The following FCN3 variants were observed in gnomAD, a reference collection of about 807,000 sequenced individuals.
FCN3 encodes ficolin-3.
Under a neutral mutation model 31.5 loss-of-function variants are expected in FCN3, and 28 were observed. The ratio of observed to expected loss-of-function variants is 0.89; its 90% CI spans 0.66 to 1.22. FCN3 has a LOEUF of 1.22. Among genes scored for constraint, FCN3 ranks in the 50% most tolerant of loss-of-function variants. FCN3 has a pLI of 0.00. For missense variants in FCN3, 351 were observed against 386.8 expected (o/e 0.91, Z 0.78); for synonymous variants, 124 against 147.4 (o/e 0.84, Z 1.15).
At chr1:27,374,663 G>T in intron 1 of FCN3, 65 bp downstream of exon 1, 2 of 1,008,828 alleles carry the variant, frequency 2.0e-6, no homozygotes, top group Non-Finnish European at 2.8e-6. Flanking sequence ...GATGAGCCTT[G>T]GTGGGGGGAC....
rs374013809 is a variant in FCN3, at chr1:27,369,425, G to A, written c.711C>T (p.Asp237=). Residue 237 remains aspartate (D), a synonymous_variant, in exon 8 of 8, where the codon GAC becomes GAT. Coordinates refer to ENST00000270879, the MANE Select transcript of FCN3 (RefSeq NM_003665.4). ...SGRPFTTYDA[D]HDSSNSNCAV... ...CACAGTTGCTGTTGCTTGAATCGTG[G>A]TCAGCGTCATAGGTGGTAAAGGGCC... 109 of 1,614,090 alleles carry A rather than the reference G, an allele frequency of 6.8e-5. No individual in the cohort carries two copies. The highest frequency in any genetic ancestry group is 4.9e-4 in the Middle Eastern group (3 of 6,084).
Position 27,369,467 on chromosome 1 carries a change from C to G in FCN3, c.669G>C (p.Leu223=). 1 of 1,613,902 alleles carries G rather than the reference C, an allele frequency of 6.2e-7. No individual in the cohort carries two copies. Among genetic ancestry groups the G allele is most frequent in the East Asian group, 2.2e-5 (1 of 44,876 alleles). The change falls in exon 8 of 8, where the codon CTG becomes CTC. Residue 223 remains leucine (L), a synonymous_variant. Coordinates refer to ENST00000270879, the MANE Select transcript of FCN3 (RefSeq NM_003665.4). The stretch of plus-strand genomic sequence containing the variant: ...TAAAGGGCCTCCCACTGTGGAGGCT[C>G]AGGGAATCCCCTAGCAGGGAAGGGA... ...KFSEGTAGDS[L]SLHSGRPFTT...
At chr1:27,372,250 T>C (rs1017410302) in intron 5 of FCN3, among the ~76,000 whole-genome samples, 9 of 150,128 alleles carry the variant, frequency 6.0e-5, no homozygotes, top group Admixed American at 2.0e-4. Context: ...CACTCTTCTT[T>C]TTTTTTTTTT....
intron 5 of FCN3, among the ~76,000 whole-genome samples, chr1:27,371,576 A>AAAAC (rs1416225220): frequency 3.3e-5 from 5 of 152,012 alleles, no homozygotes; most frequent in African/African-American, 4.8e-5. Flanking sequence ...ACTCCGTCTC[A>AAAAC]AAACAAACAA....
rs1321427798 is a variant in FCN3, at chr1:27,374,023, G to T, written c.188-14C>A. 4 of 1,612,656 alleles carry T rather than the reference G, an allele frequency of 2.5e-6. No homozygotes were observed. Among genetic ancestry groups the T allele is most frequent in the Non-Finnish European group, 3.4e-6 (4 of 1,179,354 alleles). On this transcript the variant is annotated splice_polypyrimidine_tract_variant and intron_variant, in intron 2 of 7. Coordinates refer to ENST00000270879, the MANE Select transcript of FCN3 (RefSeq NM_003665.4). The stretch of plus-strand genomic sequence containing the variant: ...GTCCAGGTGGCCCTGAAATCACAAA[G>T]GCAGAGATTTCCTGAGTCCCACCCC...
In FCN3 at chr1:27,374,386, G is replaced by A. The variant is rs376437282; in HGVS notation, c.157C>T (p.Pro53Ser). ...GGACCTGGGGCTCCCTTCTCCCCAGGACTTCCTGGAGCTCCGGGACAACTG... is the reference window on the plus strand; with the variant it reads ...GGACCTGGGGCTCCCTTCTCCCCAGAACTTCCTGGAGCTCCGGGACAACTG... Reference protein sequence around the residue: ...LPSCPGAPGSPGEKGAPGPQG... With the variant: ...LPSCPGAPGSSGEKGAPGPQG... The change falls in exon 2 of 8, where the codon CCT becomes TCT. Residue 53 changes from proline to serine, a missense_variant. Coordinates refer to ENST00000270879, the MANE Select transcript of FCN3 (RefSeq NM_003665.4). 1.5e-5 allele frequency: 24 copies of A among 1,613,666 alleles called. No homozygotes were observed. Among genetic ancestry groups the A allele is most frequent in the South Asian group, 2.2e-5 (2 of 91,070 alleles).
chr1:27,374,807 C>T lies in FCN3; in HGVS notation c.12G>A (p.Leu4=). ...GAAGCCACAGGGAGGGCAGGATCCA[C>T]AGTAGATCCATCTTGCTGGGCCCAC... The part of the protein sequence containing the change: MDL[L]WILPSLWLLL... Residue 4 remains leucine (L), a synonymous_variant, in exon 1 of 8, where the codon CTG becomes CTA. Coordinates refer to ENST00000270879, the MANE Select transcript of FCN3 (RefSeq NM_003665.4). 1.5e-6 allele frequency: 2 copies of T among 1,360,522 alleles called. No homozygotes were observed. Among genetic ancestry groups the T allele is most frequent in the Non-Finnish European group, 1.9e-6 (2 of 1,049,894 alleles). The allele number at this position is 1,360,522 out of a possible 1,614,324, so 84.3% of individuals were successfully genotyped here.
intron 6 of FCN3, 31 bp from the exon 7 acceptor site, chr1:27,370,761 A>C (rs1244866380): frequency 6.2e-7 from 1 of 1,613,132 alleles, no homozygotes; most frequent in Non-Finnish European, 8.5e-7. Flanking sequence ...GGATGGAGGA[A>C]TCCTCAGTTC....
chr1:27,373,920 A>G (rs1297017554), intron 3 of FCN3, 45 bp downstream of exon 3: 11 of 1,558,144 alleles, frequency 7.1e-6, no homozygotes, highest in Non-Finnish European at 9.7e-6. Context: ...GAGTCCAGGG[A>G]CAGAGGCAAA....
intron 5 of FCN3, among the ~76,000 whole-genome samples, chr1:27,372,901 C>G (rs2016176240): frequency 6.6e-6 from 1 of 151,846 alleles, no homozygotes. Context: ...CCTCAGCCTC[C>G]CAAGTAGCTG....
At chr1:27,374,055 A>G (rs759733826) in intron 2 of FCN3, 46 bp from the exon 3 acceptor site, 8 of 1,550,732 alleles carry the variant, frequency 5.2e-6, no homozygotes, top group Non-Finnish European at 7.0e-6. Flanking sequence ...CCCCATGCCC[A>G]GGACCAAAAA....
Position 27,369,281 on chromosome 1 carries a change from A to G in FCN3, c.855T>C (p.Arg285=), listed in dbSNP as rs781103320. 1.2e-6 allele frequency: 2 copies of G among 1,614,112 alleles called. No homozygotes were observed. The highest frequency in any genetic ancestry group is 1.7e-6 in the Non-Finnish European group (2 of 1,180,048). Reference sequence around the variant, plus strand: ...CCCTGCGGTAGGGGTGGCCCACACCACGGCCTGAGGCCCAGTCAATGCCAT... The same window carrying G: ...CCCTGCGGTAGGGGTGGCCCACACCGCGGCCTGAGGCCCAGTCAATGCCAT... ...HKYGIDWASG[R]GVGHPYRRVR... The change falls in exon 8 of 8, where the codon CGT becomes CGC. Residue 285 remains arginine, a synonymous_variant. Coordinates refer to ENST00000270879, the MANE Select transcript of FCN3 (RefSeq NM_003665.4).
At chr1:27,373,012 T>C in intron 5 of FCN3, 124 bp downstream of exon 5, 2 of 1,249,030 alleles carry the variant, frequency 1.6e-6, no homozygotes, top group South Asian at 1.4e-5. Flanking sequence ...GGGGGCTCAC[T>C]AAACATTTGT....
At chr1:27,371,431 C>A (rs370467588) in intron 5 of FCN3, among the ~76,000 whole-genome samples, 1 of 152,110 alleles carries the variant, frequency 6.6e-6, no homozygotes, top group East Asian at 1.9e-4. Context: ...CAAATATTAG[C>A]CGGGTGTGGT....
chr1:27,370,741 G>A lies in FCN3; in HGVS notation c.524-11C>T, dbSNP rs1413506945. 6.2e-7 allele frequency: 1 copy of A among 1,613,948 alleles called. No homozygotes were observed. The highest frequency in any genetic ancestry group is 1.1e-5 in the South Asian group (1 of 91,060). On this transcript the variant is annotated splice_polypyrimidine_tract_variant and intron_variant, in intron 6 of 7. Coordinates refer to ENST00000270879, the MANE Select transcript of FCN3 (RefSeq NM_003665.4). The stretch of plus-strand genomic sequence containing the variant: ...GCAGCTCCCAGTTACCTGGAAAGAA[G>A]GGGAGGCAGGGATGGAGGAATCCTC...
At position 27,374,466 on chromosome 1, in the gene FCN3, AG is replaced by A; in HGVS notation, c.92-16del. 5 of 1,575,278 alleles carry A rather than the reference AG, an allele frequency of 3.2e-6. No individual in the cohort carries two copies. The highest frequency in any genetic ancestry group is 4.4e-6 in the Non-Finnish European group (5 of 1,144,960). On this transcript the variant is annotated splice_polypyrimidine_tract_variant and intron_variant, in intron 1 of 7. Transcript: ENST00000270879. ...TTCCCTGGGTCCTACAGGGAGACACAGGCAGGGTGGGCACAGGGTAGACTGT... is the reference window on the plus strand; with the variant it reads ...TTCCCTGGGTCCTACAGGGAGACACAGCAGGGTGGGCACAGGGTAGACTGT...
rs906575868 is a variant in FCN3, at chr1:27,370,974, TG to T, written c.394-3del. 1 of 1,493,784 alleles carries T rather than the reference TG, an allele frequency of 6.7e-7. No individual in the cohort carries two copies. The highest frequency in any genetic ancestry group is 1.1e-5 in the South Asian group (1 of 89,536). 92.5% of individuals were successfully genotyped at this position (1,493,784 alleles called of 1,614,324 possible). On this transcript the variant is annotated splice_region_variant and splice_polypyrimidine_tract_variant and intron_variant, in intron 5 of 7. Transcript: ENST00000270879. ...ACCATCCTGGCGCCTCTGAAACACC[TG>T]GGGGAGGGGGGGCACAGCAGCTATT... is the stretch of plus-strand genomic sequence containing the variant.
At chr1:27,372,387 A>G (rs987380628) in intron 5 of FCN3, among the ~76,000 whole-genome samples, 5 of 151,850 alleles carry the variant, frequency 3.3e-5, no homozygotes, top group South Asian at 2.1e-4. Flanking sequence ...AACTTGGATT[A>G]CAGGCGCCCA....
intron 7 of FCN3, among the ~76,000 whole-genome samples, chr1:27,370,209 A>G (rs1263026937): frequency 6.6e-6 from 1 of 151,870 alleles, no homozygotes; most frequent in Non-Finnish European, 1.5e-5. Flanking sequence ...GGGTTTCACC[A>G]TGTTGGCCAG....
Sources: allele counts gnomAD v4.1 joint callset (sites outside exome capture counted in the v4.1 genomes callset), GRCh38; gene constraint gnomAD v4.1.1; transcripts MANE v1.5; gene names NCBI Gene and HGNC (gene_info 2026-07-23, HGNC 2026-07-21).